The following ELP1 variants were observed in gnomAD, a reference collection of about 807,000 sequenced individuals.
ELP1 encodes elongator acetyltransferase complex subunit 1, also known as elongator complex protein 1.
Under a neutral mutation model 183.2 loss-of-function variants are expected in ELP1, and 131 were observed. The ratio of observed to expected loss-of-function variants is 0.72; its 90% confidence interval spans 0.62 to 0.83. The LOEUF (loss-of-function observed/expected upper bound fraction) is 0.83, where lower values mean the gene tolerates loss of function less well. Ranked by LOEUF, ELP1 falls within the 40% of genes least tolerant of loss-of-function variation. ELP1 has a pLI of 0.00. For missense variants in ELP1, 1,550 were observed against 1,594.9 expected, an observed-to-expected ratio of 0.97 and a Z score of 0.48; for synonymous variants, 555 against 569.0, an observed-to-expected ratio of 0.98 and a Z score of 0.35.
rs1378971881 is a variant in ELP1 at position 108,894,017 on chromosome 9, G to C, written c.2786C>G (p.Thr929Ser). The change falls in exon 26 of 37, where the codon ACT becomes AGT. Residue 929 changes from threonine (T) to serine (S), a missense_variant. Physicochemically the swap from Thr to Ser is moderately conservative, Grantham distance 58 (BLOSUM62 1). Transcript: ENST00000374647. ...PFLNTLKKME[T>S]NYQRFTIDKY... ...GTCTATAGTAAACCGCTGATAATTA[G>C]TTTCCATTTTCTTAAGTGTATTAAG... 1.2e-5 allele frequency: 19 copies of C among 1,589,380 alleles called. No individual in the cohort carries two copies. The highest frequency in any genetic ancestry group is 1.7e-4 in the Middle Eastern group (1 of 6,008).
At chr9:108,872,826 A>C (rs1274009908) in intron 36 of ELP1, among the ~76,000 whole-genome samples, 6 of 111,160 alleles carry the variant, frequency 5.4e-5, no homozygotes, top group Admixed American at 1.0e-4. Flanking sequence ...AAAAAAAAAA[A>C]AAAAAAAAAA....
intron 33 of ELP1, 81 bp downstream of exon 33, chr9:108,879,365 A>G: frequency 9.8e-7 from 1 of 1,024,982 alleles, no homozygotes; most frequent in South Asian, 1.3e-5. Flanking sequence ...ACACCGTCCC[A>G]GTAGAAAACC....
intron 29 of ELP1, among the ~76,000 whole-genome samples, chr9:108,887,667 G>A (rs1251421349): frequency 6.6e-6 from 1 of 152,198 alleles, no homozygotes; most frequent in Non-Finnish European, 1.5e-5. Flanking sequence ...TGAGCCAGAG[G>A]CCCCAGCTAA....
At chr9:108,880,207 A>C in intron 31 of ELP1, 42 bp from the exon 32 acceptor site, 3 of 1,370,316 alleles carry the variant, frequency 2.2e-6, no homozygotes, top group Middle Eastern at 1.8e-4. Context: ...ATGAGGTTTA[A>C]GCAAAGAGAA....
chr9:108,875,661 AAGGCAGGAGGATCACTTG>A, intron 35 of ELP1: 1 of 376,178 alleles, frequency 2.7e-6, no homozygotes, highest in Non-Finnish European at 5.2e-6. Context: ...TTGGGAGGCC[AAGGCAGGAGGATCACTTG>A]AGGCCAGGAG....
chr9:108,892,247 T>C (rs76587950), intron 27 of ELP1, among the ~76,000 whole-genome samples: 2,493 of 152,008 alleles, frequency 0.016, 29 homozygotes, highest in Non-Finnish European at 0.025. Flanking sequence ...GATGGACAAA[T>C]GGGGCTAAAG....
At position 108,918,904 on chromosome 9, in the gene ELP1, G is replaced by A. The variant is rs1039887788; in HGVS notation, c.650-3C>T. The A allele has an allele frequency of 2.5e-6, 4 of 1,612,404 alleles. No individual in the cohort carries two copies. The highest frequency in any genetic ancestry group is 3.4e-6 in the Non-Finnish European group (4 of 1,178,412). The stretch of plus-strand genomic sequence containing the variant: ...CCACACTCTGACCTTCCGAGCCCCT[G>A]TGCGGGAGTGGAGTCAAACACACAT... On this transcript the variant is annotated splice_polypyrimidine_tract_variant and splice_region_variant and intron_variant, in intron 7 of 36. Transcript: ENST00000374647.
chr9:108,897,152 G>A lies in ELP1; in HGVS notation c.2497C>T (p.His833Tyr), dbSNP rs1007814986. ...ACCTGGTGACAGCATACATACTTAT[G>A]AGGATTTATGCTCTCCATGACTGCT... ...MRAVMESINP[H>Y]KYCLSILTSH... Residue 833 changes from histidine (H) to tyrosine (Y), a missense_variant, in exon 23 of 37, where the codon CAT becomes TAT. Transcript: ENST00000374647. 5 of 1,614,174 alleles carry A rather than the reference G, an allele frequency of 3.1e-6. No homozygotes were observed. The highest frequency in any genetic ancestry group is 1.6e-4 in the Middle Eastern group (1 of 6,062).
Position 108,902,869 on chromosome 9 carries a change from G to C in ELP1, c.1824C>G (p.Thr608=). The C allele has an allele frequency of 6.2e-7, 1 of 1,613,782 alleles. No homozygotes were observed. The highest frequency in any genetic ancestry group is 8.5e-7 in the Non-Finnish European group (1 of 1,179,804). ...GFPVRFPYPC[T]QTELAMIGEE... Reference sequence around the variant, plus strand: ...CTCCAATCATGGCCAATTCGGTCTGGGTGCATGGATAAGGAAACCGAACAG... The same window carrying C: ...CTCCAATCATGGCCAATTCGGTCTGCGTGCATGGATAAGGAAACCGAACAG... Residue 608 remains threonine (T), a synonymous_variant, in exon 16 of 37, where the codon ACC becomes ACG. Coordinates refer to ENST00000374647, the MANE Select transcript of ELP1 (RefSeq NM_003640.5).
At chr9:108,917,510 C>G (rs372327385) in intron 9 of ELP1, 37 bp downstream of exon 9, 15 of 1,606,822 alleles carry the variant, frequency 9.3e-6, no homozygotes, top group Non-Finnish European at 1.3e-5. Context: ...ATGGAAAGTC[C>G]TCTACATTCG....
At chr9:108,899,987 T>C in intron 19 of ELP1, 92 bp from the exon 20 acceptor site, 1 of 991,016 alleles carries the variant, frequency 1.0e-6, no homozygotes, top group Non-Finnish European at 1.6e-6. Flanking sequence ...TCACAGAGAA[T>C]TACCACAACT....
At chr9:108,927,025 G>C (rs1403428445) in intron 4 of ELP1, among the ~76,000 whole-genome samples, 1 of 152,174 alleles carries the variant, frequency 6.6e-6, no homozygotes, top group Admixed American at 6.5e-5. Context: ...CTTAGAATAA[G>C]TTAAAATACA....
At chr9:108,922,752 G>A (rs1416618291) in intron 6 of ELP1, 90 bp downstream of exon 6, 27 of 885,538 alleles carry the variant, frequency 3.0e-5, no homozygotes, top group Non-Finnish European at 5.0e-5. Context: ...GTTCATTACT[G>A]GCATCTAAGT....
In ELP1 at chr9:108,878,015, GGTAA is replaced by G. The variant is rs1446325480; in HGVS notation, c.3831_3834del (p.Tyr1278SerfsTer9). 1 of 1,614,050 alleles carries G rather than the reference GGTAA, an allele frequency of 6.2e-7. No individual in the cohort carries two copies. Among genetic ancestry groups the G allele is most frequent in the African/African-American group, 1.3e-5 (1 of 74,918 alleles). On this transcript the variant is annotated frameshift_variant, in exon 35 of 37. Coordinates refer to ENST00000374647, the MANE Select transcript of ELP1 (RefSeq NM_003640.5). LOFTEE classifies it high-confidence loss of function. ...CTTACCGGGGTAGCTGAATTCTGCT[GGTAA>G]GTAAGAGTCCAAATTTCTGGAAGTG...
intron 34 of ELP1, among the ~76,000 whole-genome samples, 200 bp from the exon 35 acceptor site, chr9:108,878,349 T>C (rs1301011932): frequency 6.6e-6 from 1 of 152,198 alleles, no homozygotes; most frequent in Non-Finnish European, 1.5e-5. Flanking sequence ...CTGGGGGGCC[T>C]ACGCAGAAAG....
chr9:108,872,359 C>A (rs988983484), intron 36 of ELP1, among the ~76,000 whole-genome samples: 3 of 152,138 alleles, frequency 2.0e-5, no homozygotes, highest in African/African-American at 7.2e-5. Context: ...TTTAATACTA[C>A]ATCTTTATGT....
Position 108,872,827 on chromosome 9 carries a change from A to AAAC in ELP1, c.3931+2067_3931+2068insGTT, listed in dbSNP as rs1554737191. ...CTGAAAAAAAAAAAAAAAAAAAAAA[A>AAAC]AAAAAAAAAAAACTAGTTACAAAAA... is the stretch of plus-strand genomic sequence containing the variant. On this transcript the variant is annotated intron_variant, in intron 36 of 36. Coordinates refer to ENST00000374647, the MANE Select transcript of ELP1 (RefSeq NM_003640.5). Among the ~76,000 whole-genome samples the AAAC allele has an allele frequency of 1.2e-3, 132 of 108,050 alleles. 3 individuals are homozygous for AAAC. The highest frequency in any genetic ancestry group is 2.1e-3 in the Non-Finnish European group (94 of 45,464). 70.9% of individuals were successfully genotyped at this position (108,050 alleles called of 152,430 possible). A position where few individuals can be genotyped will look rare whatever the true frequency, so the allele number is the denominator to read the frequency against.
intron 6 of ELP1, among the ~76,000 whole-genome samples, chr9:108,919,808 GCAGA>G (rs1474919961): frequency 1.3e-5 from 2 of 152,182 alleles, no homozygotes; most frequent in African/African-American, 4.8e-5. Flanking sequence ...AAAGGCAGCA[GCAGA>G]CAATGACGAA....
chr9:108,906,166 T>A, intron 14 of ELP1, 137 bp downstream of exon 14: 1 of 800,052 alleles, frequency 1.2e-6, no homozygotes, highest in South Asian at 1.5e-5. Context: ...GACTTAACCT[T>A]CTTGTTAAGT....
Sources: gnomAD v4.1 joint callset for allele counts (sites outside exome capture counted in the v4.1 genomes callset) on GRCh38, gnomAD v4.1.1 for gene constraint, MANE v1.5 for transcripts, NCBI Gene and HGNC (gene_info 2026-07-23, HGNC 2026-07-21) for gene names.